The following DNAH7 variants were observed in gnomAD, a reference collection of about 807,000 sequenced individuals.
DNAH7 encodes axonemal beta dynein heavy chain 7.
A neutral mutation model predicts 444.6 loss-of-function variants in DNAH7; 397 were observed. The ratio of observed to expected loss-of-function variants is 0.89; its 90% CI spans 0.82 to 0.97. DNAH7 has a LOEUF of 0.97. DNAH7 is among the 50% of genes least tolerant of loss of function. The pLI, the probability that DNAH7 is intolerant of heterozygous loss-of-function variation, is 0.00. For missense variants in DNAH7, 4,902 were observed against 4,800.8 expected, an observed-to-expected ratio of 1.02 and a Z score of -0.62; for synonymous variants, 1,636 against 1,624.4, an observed-to-expected ratio of 1.01 and a Z score of -0.17.
intron 23 of DNAH7, among the ~76,000 whole-genome samples, chr2:195,922,927 T>G (rs959976537): frequency 3.3e-5 from 5 of 151,962 alleles, no homozygotes; most frequent in African/African-American, 1.2e-4. Flanking sequence ...AGTGGCGCAA[T>G]CTCGGCTCAC....
At chr2:195,866,844 G>C (rs1001879385) in intron 40 of DNAH7, among the ~76,000 whole-genome samples, 21 of 152,116 alleles carry the variant, frequency 1.4e-4, no homozygotes, top group Non-Finnish European at 2.9e-4. Flanking sequence ...GAGGAACCTG[G>C]TGGGAGGCAA....
At chr2:195,987,318 T>C in intron 13 of DNAH7, 125 bp from the exon 14 acceptor site, 2 of 640,210 alleles carry the variant, frequency 3.1e-6, no homozygotes. Context: ...TTTAAAAATA[T>C]ATATAATTCA....
chr2:195,875,959 A>C lies in DNAH7; in HGVS notation c.6118-116T>G, dbSNP rs553143841. On this transcript the variant is annotated intron_variant, in intron 37 of 64. Transcript: ENST00000312428. ...ATCTATTTGCAGAGTACATATGAGG[A>C]AGTGATGGTTTCTTTTCTAAACAAG... 1.4e-4 allele frequency: 132 copies of C among 926,586 alleles called. No individual in the cohort carries two copies. The East Asian group carries it at 3.2e-3, about 22-fold the overall frequency. 57.4% of individuals were successfully genotyped at this position (926,586 alleles called of 1,614,324 possible).
In DNAH7 at chr2:196,032,076, G is replaced by C. The variant is rs914351461; in HGVS notation, c.399-4029C>G. On this transcript the variant is annotated intron_variant, in intron 5 of 64. Transcript: ENST00000312428. Reference sequence around the variant, plus strand: ...TTAATAGAACTTACAGTTCCACGTGGTTGGGGGGGTCTCACAATCATGGCA... The same window carrying C: ...TTAATAGAACTTACAGTTCCACGTGCTTGGGGGGGTCTCACAATCATGGCA... 7.9e-5 allele frequency among the ~76,000 whole-genome samples: 12 copies of C among 152,210 alleles called. 1 individual carries two copies. The highest frequency in any genetic ancestry group is 1.3e-4 in the Admixed American group (2 of 15,278).
At chr2:195,941,309 G>A (rs1286653525) in intron 19 of DNAH7, among the ~76,000 whole-genome samples, 5 of 151,934 alleles carry the variant, frequency 3.3e-5, no homozygotes, top group African/African-American at 9.7e-5. Context: ...CTCATAAACG[G>A]GAGTTGAACA....
intron 41 of DNAH7, 86 bp from the exon 42 acceptor site, chr2:195,862,032 G>T (rs752789158): frequency 7.8e-6 from 8 of 1,022,430 alleles, no homozygotes; most frequent in African/African-American, 1.6e-5. Flanking sequence ...ACTTATGGAT[G>T]TTGGGGGTGA....
chr2:195,971,908 A>C (rs1691870105), intron 16 of DNAH7, among the ~76,000 whole-genome samples: 1 of 152,076 alleles, frequency 6.6e-6, no homozygotes, highest in African/African-American at 2.4e-5. Context: ...AGTTTTAAAA[A>C]CCGAAAATAG....
At chr2:195,991,733 G>T (rs2125651937) in intron 12 of DNAH7, among the ~76,000 whole-genome samples, 1 of 152,208 alleles carries the variant, frequency 6.6e-6, no homozygotes, top group Non-Finnish European at 1.5e-5. Context: ...TCGCACACTT[G>T]TAACTTTCAG....
chr2:196,007,135 AT>A (rs1312780418), intron 10 of DNAH7, among the ~76,000 whole-genome samples: 3 of 152,118 alleles, frequency 2.0e-5, no homozygotes, highest in Non-Finnish European at 4.4e-5. Context: ...AACAACAACA[AT>A]TTTTCAACTC....
At position 195,788,308 on chromosome 2, in the gene DNAH7, C is replaced by T. The variant is rs373416516; in HGVS notation, c.10717-1137G>A. On this transcript the variant is annotated intron_variant, in intron 57 of 64. Coordinates refer to ENST00000312428, the MANE Select transcript of DNAH7 (RefSeq NM_018897.3). ...ACAAGAAGAAAGATGCCAACTCCAT[C>T]TTCCCCCAAGGGCAGGAAGGCCACC... Among the ~76,000 whole-genome samples the T allele has an allele frequency of 2.6e-5, 4 of 152,324 alleles. No homozygotes were observed. In the South Asian group the frequency reaches 6.2e-4, roughly 24 times the overall value.
intron 55 of DNAH7, among the ~76,000 whole-genome samples, chr2:195,797,403 T>C (rs1431357825): frequency 6.6e-6 from 1 of 152,060 alleles, no homozygotes; most frequent in Non-Finnish European, 1.5e-5. Flanking sequence ...CACTAGCTGG[T>C]AGAGGCAGCA....
At position 195,834,361 on chromosome 2, in the gene DNAH7, C is replaced by T; in HGVS notation, c.8946-1G>A. 1 of 1,588,708 alleles carries T rather than the reference C, an allele frequency of 6.3e-7. No homozygotes were observed. Among genetic ancestry groups the T allele is most frequent in the Non-Finnish European group, 8.6e-7 (1 of 1,161,212 alleles). ...CATCAGAGGCCACCTTCTTGCATTC[C>T]TGAAAAGGAGGAGAAAGACGATGCT... is the stretch of plus-strand genomic sequence containing the variant. On this transcript the variant is annotated splice_acceptor_variant, in intron 47 of 64. Transcript: ENST00000312428. LOFTEE classifies it high-confidence loss of function.
At chr2:195,964,819 T>C (rs1691360644) in intron 17 of DNAH7, among the ~76,000 whole-genome samples, 1 of 150,458 alleles carries the variant, frequency 6.6e-6, no homozygotes, top group Non-Finnish European at 1.5e-5. Flanking sequence ...GAGGTTGCAG[T>C]GAGCCGAGGT....
chr2:195,771,851 C>T lies in DNAH7; in HGVS notation c.11242G>A (p.Val3748Ile). Residue 3748 changes from valine to isoleucine, a missense_variant, in exon 61 of 65, where the codon GTA becomes ATA. Val to Ile is a conservative substitution (Grantham distance 29). Transcript: ENST00000312428. ...AGAGAKSSDEVVNEVASDILG... is the reference protein window; with the variant it reads ...AGAGAKSSDEIVNEVASDILG... ...ATGTCACTAGCGACCTCATTCACTA[C>T]TTCATCTGATGATTTTGCACCAGCA... The T allele has an allele frequency of 6.2e-7, 1 of 1,614,180 alleles. No individual in the cohort carries two copies. The highest frequency in any genetic ancestry group is 8.5e-7 in the Non-Finnish European group (1 of 1,180,028).
At chr2:195,950,867 A>AAAG (rs1559262876) in intron 19 of DNAH7, among the ~76,000 whole-genome samples, 1 of 149,198 alleles carries the variant, frequency 6.7e-6, no homozygotes, top group South Asian at 2.1e-4. Flanking sequence ...AAAAAAAAAA[A>AAAG]AAAAAAAAAA....
chr2:195,749,985 TAATAA>T (rs879613925), intron 63 of DNAH7, among the ~76,000 whole-genome samples: 74 of 151,606 alleles, frequency 4.9e-4, no homozygotes, highest in East Asian at 1.7e-3. Flanking sequence ...AGTATAATAA[TAATAA>T]AATAAAATAA....
At chr2:195,880,516 T>A (rs1447406209) in intron 36 of DNAH7, among the ~76,000 whole-genome samples, 1 of 150,482 alleles carries the variant, frequency 6.6e-6, no homozygotes, top group Non-Finnish European at 1.5e-5. Flanking sequence ...TGCTTGTTTT[T>A]GTATTTTTAG....
At position 195,970,685 on chromosome 2, in the gene DNAH7, T is replaced by C. The variant is rs1372376871; in HGVS notation, c.2059-591A>G. On this transcript the variant is annotated intron_variant, in intron 16 of 64. Transcript: ENST00000312428. ...TTCTAATATAAGATAGGTATGTATG[T>C]TTTAAGTAAAAAAGCCTTATTACAT... is the stretch of plus-strand genomic sequence containing the variant. Among the ~76,000 whole-genome samples, 5 of 152,312 alleles carry C rather than the reference T, an allele frequency of 3.3e-5. No individual in the cohort carries two copies. The East Asian group carries it at 9.6e-4, about 29-fold the overall frequency.
chr2:195,746,102 T>C (rs995262498), intron 63 of DNAH7, among the ~76,000 whole-genome samples: 3 of 152,200 alleles, frequency 2.0e-5, no homozygotes, highest in East Asian at 1.9e-4. Flanking sequence ...ATTCAGGAAA[T>C]CCATCTCACG....
Sources: allele counts gnomAD v4.1 joint callset (sites outside exome capture counted in the v4.1 genomes callset), GRCh38; gene constraint gnomAD v4.1.1; transcripts MANE v1.5; gene names NCBI Gene and HGNC (gene_info 2026-07-23, HGNC 2026-07-21).